The following CTNNA3 variants were observed in gnomAD, a reference collection of about 807,000 sequenced individuals.
CTNNA3 encodes catenin alpha 3, also known as catenin alpha-3.
A neutral mutation model predicts 95.7 loss-of-function variants in CTNNA3; 76 were observed. The observed-to-expected ratio is 0.79, with a 90% CI of 0.66 to 0.96. The LOEUF is 0.96. Among genes scored for constraint, CTNNA3 ranks in the 40% least tolerant of loss-of-function variants. CTNNA3 has a pLI of 0.00. For missense variants in CTNNA3, 1,191 were observed against 1,089.8 expected, an observed-to-expected ratio of 1.09 and a Z score of -1.31; for synonymous variants, 431 against 374.4, an observed-to-expected ratio of 1.15 and a Z score of -1.74.
rs549658058 is a variant in CTNNA3, at chr10:67,481,412, T to C, written c.579+40430A>G. 5.1e-4 allele frequency among the ~76,000 whole-genome samples: 78 copies of C among 152,282 alleles called. 1 individual carries two copies. In the South Asian group the frequency reaches 0.015, roughly 29 times the overall value. On this transcript the variant is annotated intron_variant, in intron 5 of 17. Transcript: ENST00000433211. ...TCTATCTAAAGGCTCCTGAAACAGA[T>C]AAACAACTTCAGTAAAGTGTCAGGA...
intron 5 of CTNNA3, among the ~76,000 whole-genome samples, chr10:67,237,897 G>A (rs891432546): frequency 1.3e-5 from 2 of 152,206 alleles, no homozygotes; most frequent in Admixed American, 1.3e-4. Flanking sequence ...CCAGGTCTGG[G>A]AAAGAGACAA....
intron 9 of CTNNA3, among the ~76,000 whole-genome samples, chr10:66,685,694 A>T (rs1014830445): frequency 1.3e-5 from 2 of 151,988 alleles, no homozygotes; most frequent in African/African-American, 4.8e-5. Flanking sequence ...TTTTTTAAAA[A>T]GTTTGCCACT....
At chr10:67,666,635 G>T (rs1378490110) in intron 1 of CTNNA3, among the ~76,000 whole-genome samples, 1 of 152,056 alleles carries the variant, frequency 6.6e-6, no homozygotes, top group Non-Finnish European at 1.5e-5. Context: ...CCAGCAGAGG[G>T]TATTATTAGA....
chr10:67,448,562 T>C (rs1480967016), intron 5 of CTNNA3, among the ~76,000 whole-genome samples: 1 of 151,910 alleles, frequency 6.6e-6, no homozygotes, highest in Non-Finnish European at 1.5e-5. Context: ...AATGAATGAA[T>C]GAATAATAAA....
At position 67,202,061 on chromosome 10, in the gene CTNNA3, T is replaced by C. The variant is rs1159277329; in HGVS notation, c.843+17546A>G. ...TTGGCAATATTTTCTTCAAAGTCAA[T>C]AGTATCTTCATCAAAAATTTCTTTT... On this transcript the variant is annotated intron_variant, in intron 6 of 17. Transcript: ENST00000433211. Among the ~76,000 whole-genome samples the C allele has an allele frequency of 3.3e-5, 5 of 152,348 alleles. No individual in the cohort carries two copies. In the East Asian group the frequency reaches 7.7e-4, roughly 23 times the overall value.
chr10:66,286,520 A>C (rs138036384), intron 12 of CTNNA3, among the ~76,000 whole-genome samples: 2 of 152,182 alleles, frequency 1.3e-5, no homozygotes, highest in East Asian at 3.9e-4. Flanking sequence ...GAAAAAGTTA[A>C]AGAAAAATAG....
intron 7 of CTNNA3, among the ~76,000 whole-genome samples, chr10:67,019,321 C>T (rs191456550): frequency 1.4e-4 from 21 of 152,260 alleles, no homozygotes; most frequent in African/African-American, 3.4e-4. Flanking sequence ...CGGGTCCAAG[C>T]GCTTCTCCTG....
chr10:67,018,830 T>G (rs1309176422), intron 7 of CTNNA3, among the ~76,000 whole-genome samples: 1 of 152,216 alleles, frequency 6.6e-6, no homozygotes, highest in Non-Finnish European at 1.5e-5. Flanking sequence ...ATATTAGATA[T>G]TATTACTACC....
intron 15 of CTNNA3, among the ~76,000 whole-genome samples, chr10:66,015,762 G>T (rs914335128): frequency 6.6e-6 from 1 of 152,072 alleles, no homozygotes; most frequent in Non-Finnish European, 1.5e-5. Flanking sequence ...CTTTTATGGA[G>T]AAGCACATTC....
chr10:67,682,621 C>T (rs1285716213), intron 1 of CTNNA3, among the ~76,000 whole-genome samples: 1 of 152,092 alleles, frequency 6.6e-6, no homozygotes, highest in Non-Finnish European at 1.5e-5. Context: ...GACAATACAT[C>T]TCAAATTATA....
intron 14 of CTNNA3, chr10:66,084,843 T>C (rs1361349702): frequency 6.6e-6 from 1 of 152,152 alleles, no homozygotes. Context: ...TGTATTTATA[T>C]ATTTATTTGT....
chr10:66,342,717 C>A (rs1451312393), intron 12 of CTNNA3, among the ~76,000 whole-genome samples: 1 of 151,972 alleles, frequency 6.6e-6, no homozygotes, highest in Admixed American at 6.6e-5. Flanking sequence ...CATTTATTCA[C>A]TAAGAGGAAT....
chr10:67,201,122 T>C (rs540274297), intron 6 of CTNNA3, among the ~76,000 whole-genome samples: 4 of 152,230 alleles, frequency 2.6e-5, no homozygotes, highest in Admixed American at 2.0e-4. Flanking sequence ...ATGACTAAGA[T>C]AGTAATGTGA....
chr10:65,958,460 A>T (rs2077777402), intron 17 of CTNNA3, among the ~76,000 whole-genome samples: 2 of 152,278 alleles, frequency 1.3e-5, no homozygotes, highest in Non-Finnish European at 2.9e-5. Flanking sequence ...TTGTAGGAGA[A>T]GAGATGCTCT....
chr10:66,197,550 C>CA (rs1376921097), intron 13 of CTNNA3, among the ~76,000 whole-genome samples: 1 of 151,850 alleles, frequency 6.6e-6, no homozygotes, highest in Non-Finnish European at 1.5e-5. Flanking sequence ...TAATCACCTG[C>CA]AAAAAAAGTA....
chr10:66,222,604 G>GAA (rs2089005562), intron 13 of CTNNA3, among the ~76,000 whole-genome samples: 1 of 61,992 alleles, frequency 1.6e-5, no homozygotes, highest in African/African-American at 4.2e-5. Flanking sequence ...AAGAACGAAA[G>GAA]AAAGAAAGAA....
Position 67,442,744 on chromosome 10 carries a change from G to T in CTNNA3, c.579+79098C>A, listed in dbSNP as rs374779188. On this transcript the variant is annotated intron_variant, in intron 5 of 17. Coordinates refer to ENST00000433211, the MANE Select transcript of CTNNA3 (RefSeq NM_013266.4). The stretch of plus-strand genomic sequence containing the variant: ...ATATATCATTAGAGCTAAAGAGACA[G>T]GTAGACCTCAATATAATAACAACTA... 8.6e-5 allele frequency among the ~76,000 whole-genome samples: 13 copies of T among 152,016 alleles called. No homozygotes were observed. In the East Asian group the frequency reaches 1.9e-3, roughly 23 times the overall value.
intron 7 of CTNNA3, among the ~76,000 whole-genome samples, chr10:67,101,442 A>G (rs1858335284): frequency 1.9e-5 from 2 of 106,036 alleles, no homozygotes; most frequent in African/African-American, 1.1e-4. Flanking sequence ...AATAGAGAAC[A>G]ATTTTCTCCA....
intron 7 of CTNNA3, among the ~76,000 whole-genome samples, chr10:67,036,576 G>A (rs1854076800): frequency 6.6e-6 from 1 of 152,086 alleles, no homozygotes; most frequent in African/African-American, 2.4e-5. Flanking sequence ...TCTCCATGTT[G>A]CCCAGGCTAG....
Sources: allele counts gnomAD v4.1 joint callset (sites outside exome capture counted in the v4.1 genomes callset), GRCh38; gene constraint gnomAD v4.1.1; transcripts MANE v1.5; gene names NCBI Gene and HGNC (gene_info 2026-07-23, HGNC 2026-07-21).